LRP1B: variants seen among roughly 807,000 people sequenced by gnomAD.
LRP1B encodes the protein low-density lipoprotein receptor-related protein 1B.
In LRP1B, 217 loss-of-function variants were observed where a neutral mutation model predicts 556.6. That is an observed-to-expected ratio of 0.39 (90% CI 0.35 to 0.44). The LOEUF is 0.44. LRP1B is among the 20% of genes least tolerant of loss of function. The probability of loss-of-function intolerance (pLI) is 1.00; values close to 1 mark genes in which losing one functional copy is unlikely to be tolerated. For synonymous variants in LRP1B, 2,047 were observed against 1,865.8 expected, an observed-to-expected ratio of 1.10 and a Z score of -2.50; for missense variants, 5,053 against 5,620.8, an observed-to-expected ratio of 0.90 and a Z score of 3.23.
At chr2:141,184,565 G>A (rs1243923224) in intron 7 of LRP1B, among the ~76,000 whole-genome samples, 1 of 145,498 alleles carries the variant, frequency 6.9e-6, no homozygotes, top group Non-Finnish European at 1.5e-5. Context: ...TTTTTCAATC[G>A]TGCTTCTCCA....
chr2:142,052,522 T>C (rs1170862884), intron 1 of LRP1B, among the ~76,000 whole-genome samples: 1 of 152,154 alleles, frequency 6.6e-6, no homozygotes, highest in Non-Finnish European at 1.5e-5. Context: ...ATTACTTTTG[T>C]ATCTTACTTA....
intron 2 of LRP1B, among the ~76,000 whole-genome samples, chr2:141,593,724 C>CAAAAAAAAAAAAA: frequency 7.6e-6 from 1 of 130,902 alleles, no homozygotes; most frequent in African/African-American, 3.8e-5. Context: ...GACTCCGTCT[C>CAAAAAAAAAAAAA]AAAAAAAAAA....
intron 3 of LRP1B, among the ~76,000 whole-genome samples, chr2:141,344,181 C>G (rs537512684): frequency 6.6e-5 from 10 of 152,272 alleles, no homozygotes; most frequent in East Asian, 5.8e-4. Context: ...GTCATGTCCC[C>G]TTGGCTGGAA....
chr2:140,755,314 G>A (rs1227145023), intron 35 of LRP1B, among the ~76,000 whole-genome samples: 1 of 151,972 alleles, frequency 6.6e-6, no homozygotes, highest in Non-Finnish European at 1.5e-5. Flanking sequence ...TTCATTCTAT[G>A]AGGCCAAAAT....
At chr2:140,307,648 A>G (rs1350566022) in intron 83 of LRP1B, among the ~76,000 whole-genome samples, 2 of 151,848 alleles carry the variant, frequency 1.3e-5, no homozygotes, top group Non-Finnish European at 2.9e-5. Flanking sequence ...GGAGCATTAA[A>G]TTTATATGAT....
chr2:141,085,192 TAGAC>T (rs1053840123), intron 7 of LRP1B, among the ~76,000 whole-genome samples: 4 of 152,096 alleles, frequency 2.6e-5, no homozygotes, highest in African/African-American at 9.7e-5. Context: ...TACACATATA[TAGAC>T]AAACATTTTT....
chr2:141,773,686 G>A (rs1694969773), intron 2 of LRP1B, among the ~76,000 whole-genome samples: 1 of 151,780 alleles, frequency 6.6e-6, no homozygotes, highest in Admixed American at 6.6e-5. Context: ...CAGCCAGAGA[G>A]TGTTTAATTG....
Position 141,036,627 on chromosome 2 carries a change from G to A in LRP1B, c.1789+12359C>T, listed in dbSNP as rs1438172560. 2.0e-5 allele frequency among the ~76,000 whole-genome samples: 3 copies of A among 152,012 alleles called. No individual in the cohort carries two copies. The East Asian group carries it at 5.8e-4, about 30-fold the overall frequency. On this transcript the variant is annotated intron_variant, in intron 11 of 90. Coordinates refer to ENST00000389484, the MANE Select transcript of LRP1B (RefSeq NM_018557.3). ...AGTTGTCATTGAAGCAGAAGTAAAA[G>A]GCAAAGCCATATGTCCCTGAGGGAG... is the stretch of plus-strand genomic sequence containing the variant.
chr2:141,890,452 CA>C (rs998605683), intron 1 of LRP1B, among the ~76,000 whole-genome samples: 2 of 148,082 alleles, frequency 1.4e-5, no homozygotes, highest in African/African-American at 5.0e-5. Context: ...CACATACTAA[CA>C]AAAAAATGTC....
chr2:142,004,830 C>T (rs576795736), intron 1 of LRP1B, among the ~76,000 whole-genome samples: 131 of 151,816 alleles, frequency 8.6e-4, no homozygotes, highest in African/African-American at 3.1e-3. Flanking sequence ...CCAGTCTGGG[C>T]GACAGAGCAA....
chr2:141,255,059 A>G lies in LRP1B; in HGVS notation c.344-418T>C, dbSNP rs181442969. On this transcript the variant is annotated intron_variant, in intron 3 of 90. Transcript: ENST00000389484. ...AACCTTCATAGCAATCAATGTGAAT[A>G]TATCTCATCTCAATATTTTATTTTT... 9.9e-4 allele frequency among the ~76,000 whole-genome samples: 151 copies of G among 152,224 alleles called. 1 individual carries two copies. Among genetic ancestry groups the G allele is most frequent in the African/African-American group, 3.3e-3 (137 of 41,574 alleles).
intron 60 of LRP1B, among the ~76,000 whole-genome samples, chr2:140,472,839 C>T (rs1259024277): frequency 6.6e-6 from 1 of 152,014 alleles, no homozygotes; most frequent in African/African-American, 2.4e-5. Flanking sequence ...TGAAAAGTCT[C>T]ATATGTTTTT....
chr2:140,464,762 C>A (rs1193509786), intron 60 of LRP1B, among the ~76,000 whole-genome samples: 1 of 152,122 alleles, frequency 6.6e-6, no homozygotes, highest in Non-Finnish European at 1.5e-5. Flanking sequence ...TTATTATATT[C>A]AACACACATA....
chr2:141,225,115 A>G (rs1378934746), intron 6 of LRP1B, among the ~76,000 whole-genome samples: 3 of 152,188 alleles, frequency 2.0e-5, no homozygotes, highest in African/African-American at 7.2e-5. Context: ...AAAAGATAAA[A>G]GCCTGTGAAT....
intron 2 of LRP1B, among the ~76,000 whole-genome samples, chr2:141,791,373 C>A (rs1257032547): frequency 6.6e-6 from 1 of 151,790 alleles, no homozygotes. Flanking sequence ...ATGGATTGAG[C>A]TATATACACA....
chr2:140,365,220 A>T (rs1682703405), intron 71 of LRP1B, among the ~76,000 whole-genome samples: 1 of 151,652 alleles, frequency 6.6e-6, no homozygotes, highest in Admixed American at 6.6e-5. Flanking sequence ...GATAAACTAG[A>T]TCACTAAAAA....
intron 66 of LRP1B, among the ~76,000 whole-genome samples, chr2:140,422,455 T>G (rs1033342692): frequency 6.6e-6 from 1 of 152,198 alleles, no homozygotes; most frequent in African/African-American, 2.4e-5. Context: ...TGCATTATTT[T>G]CCATAGGTCA....
intron 2 of LRP1B, among the ~76,000 whole-genome samples, chr2:141,661,708 G>C (rs1425579794): frequency 6.6e-6 from 1 of 152,148 alleles, no homozygotes; most frequent in Non-Finnish European, 1.5e-5. Context: ...CAGTTGACTG[G>C]GGTACCTGAA....
chr2:140,901,727 C>T (rs1379275101), intron 23 of LRP1B, among the ~76,000 whole-genome samples: 2 of 151,902 alleles, frequency 1.3e-5, no homozygotes, highest in African/African-American at 2.4e-5. Context: ...TTGAAGTGCA[C>T]TTATTGAAAT....
Sources: allele counts gnomAD v4.1 joint callset (sites outside exome capture counted in the v4.1 genomes callset), GRCh38; gene constraint gnomAD v4.1.1; transcripts MANE v1.5; gene names NCBI Gene and HGNC (gene_info 2026-07-23, HGNC 2026-07-21).